PCDHA13: variants seen among roughly 807,000 people sequenced by gnomAD.
PCDHA13 encodes protocadherin alpha-13.
Under a neutral mutation model 64.8 loss-of-function variants are expected in PCDHA13, and 54 were observed. The ratio of observed to expected loss-of-function variants is 0.83; its 90% CI spans 0.67 to 1.04. The LOEUF is 1.04. PCDHA13 is among the 50% of genes least tolerant of loss of function. The pLI is 0.00. For synonymous variants in PCDHA13, 587 were observed against 564.4 expected (o/e 1.04, Z -0.57); for missense variants, 1,248 against 1,254.3 (o/e 0.99, Z 0.08).
chr5:141,001,130 T>C (rs1233424080), intron 3 of PCDHA13, among the ~76,000 whole-genome samples: 1 of 152,036 alleles, frequency 6.6e-6, no homozygotes, highest in African/African-American at 2.4e-5. Context: ...CTTAAACAAA[T>C]GAATCTTCTG....
Position 140,884,512 on chromosome 5 carries a change from G to A in PCDHA13, c.2244G>A (p.Trp748Ter), listed in dbSNP as rs782026771. 4.3e-5 allele frequency: 70 copies of A among 1,614,202 alleles called. No individual in the cohort carries two copies. The Middle Eastern group carries it at 4.9e-4, about 11-fold the overall frequency. ...TLVCSSAAGS[W>*]SYSQQRRPRV... is the part of the protein sequence containing the mutation. ...TGTGCTCCAGCGCGGCAGGGAGTTG[G>A]TCGTACTCGCAGCAGAGGCGGCCGA... is the stretch of plus-strand genomic sequence containing the variant. Residue 748 changes from tryptophan (W) to a stop codon, truncating the protein, a stop_gained, in exon 1 of 4, where the codon TGG becomes TGA. Transcript: ENST00000289272. LOFTEE classifies it high-confidence loss of function.
chr5:140,883,471 C>G lies in PCDHA13; in HGVS notation c.1203C>G (p.Tyr401Ter), dbSNP rs781812025. The change falls in exon 1 of 4, where the codon TAC (tyrosine) becomes TAG (stop). Residue 401 changes from tyrosine to a stop codon, truncating the protein, a stop_gained. Transcript: ENST00000289272. LOFTEE classifies it high-confidence loss of function. ...TCCCCTTCAAGCTGGTGTCCACCTA[C>G]AAGAACTACTACTCATTAGTGCTGG... ...PHVPFKLVST[Y>*]KNYYSLVLDS... is the part of the protein sequence containing the mutation. 2.5e-6 allele frequency: 4 copies of G among 1,614,182 alleles called. No homozygotes were observed. Among genetic ancestry groups the G allele is most frequent in the Non-Finnish European group, 3.4e-6 (4 of 1,180,044 alleles).
At chr5:140,982,275 A>G (rs1315034472) in intron 2 of PCDHA13, 200 bp from the exon 3 acceptor site, 3 of 951,630 alleles carry the variant, frequency 3.2e-6, no homozygotes, top group Non-Finnish European at 4.5e-6. Context: ...GGAATAGTAT[A>G]GCAGGCAATA....
At chr5:140,912,130 T>A (rs1554195167) in intron 1 of PCDHA13, among the ~76,000 whole-genome samples, 1 of 152,156 alleles carries the variant, frequency 6.6e-6, no homozygotes, top group Non-Finnish European at 1.5e-5. Flanking sequence ...GTCAGTCTAA[T>A]CTCTCCATGT....
chr5:140,935,051 C>T (rs1554210307), intron 1 of PCDHA13, among the ~76,000 whole-genome samples: 1 of 152,096 alleles, frequency 6.6e-6, no homozygotes, highest in African/African-American at 2.4e-5. Context: ...TCTGGTATTA[C>T]AAGATGTTCA....
At chr5:140,998,779 G>T (rs782154283) in intron 3 of PCDHA13, among the ~76,000 whole-genome samples, 3 of 152,140 alleles carry the variant, frequency 2.0e-5, no homozygotes, top group Non-Finnish European at 4.4e-5. Context: ...GGTCAGGCTG[G>T]TCTGGAACCC....
chr5:140,907,408 C>T (rs2073363118), intron 1 of PCDHA13, among the ~76,000 whole-genome samples: 1 of 152,118 alleles, frequency 6.6e-6, no homozygotes. Flanking sequence ...TGTGGAATAC[C>T]ACGATGGTGG....
intron 1 of PCDHA13, among the ~76,000 whole-genome samples, chr5:140,909,265 G>A (rs1289313376): frequency 3.3e-5 from 5 of 152,192 alleles, no homozygotes; most frequent in Non-Finnish European, 7.3e-5. Flanking sequence ...CTGACTGAAG[G>A]CAAATTGCTT....
chr5:140,987,214 A>G (rs78124050), intron 3 of PCDHA13, among the ~76,000 whole-genome samples: 3 of 131,916 alleles, frequency 2.3e-5, no homozygotes, highest in Admixed American at 2.2e-4. Context: ...ACTCCATCTC[A>G]AAAAAAAAAA....
chr5:141,003,981 C>T (rs1485203944), intron 3 of PCDHA13, among the ~76,000 whole-genome samples: 9 of 152,072 alleles, frequency 5.9e-5, no homozygotes, highest in Admixed American at 2.6e-4. Flanking sequence ...GGGGACTTGC[C>T]GGAGATCCTA....
In PCDHA13 at chr5:141,009,805, A is replaced by G. The variant is rs1358613672; in HGVS notation, c.2721A>G (p.Gln907=). The change falls in exon 4 of 4, where the codon CAA becomes CAG. Residue 907 remains glutamine, a synonymous_variant. Transcript: ENST00000289272. ...ISIRQEPTNS[Q]IDKSDFITFG... ...TCCGGCAGGAGCCTACTAACAGCCAAATTGACAAAAGTGACTTCATAACCT... is the reference window on the plus strand; with the variant it reads ...TCCGGCAGGAGCCTACTAACAGCCAGATTGACAAAAGTGACTTCATAACCT... The G allele has an allele frequency of 3.1e-6, 5 of 1,613,974 alleles. No homozygotes were observed. Among genetic ancestry groups the G allele is most frequent in the African/African-American group, 1.3e-5 (1 of 74,898 alleles).
chr5:140,909,411 CATTTGG>C (rs2074480921), intron 1 of PCDHA13, among the ~76,000 whole-genome samples: 2 of 152,142 alleles, frequency 1.3e-5, no homozygotes, highest in African/African-American at 4.8e-5. Flanking sequence ...TTGCAGTTAC[CATTTGG>C]TTAAACTTAT....
chr5:141,001,360 A>G (rs1432580617), intron 3 of PCDHA13, among the ~76,000 whole-genome samples: 2 of 152,212 alleles, frequency 1.3e-5, no homozygotes, highest in Non-Finnish European at 2.9e-5. Flanking sequence ...GTTTAAGCCT[A>G]CTATTCTGAT....
At chr5:141,000,414 TATA>T (rs1563651539) in intron 3 of PCDHA13, among the ~76,000 whole-genome samples, 16 of 99,530 alleles carry the variant, frequency 1.6e-4, no homozygotes, top group African/African-American at 2.5e-4. Flanking sequence ...TATATATATA[TATA>T]TATATTTTTT....
At chr5:140,991,298 ATTATC>A (rs1361844877) in intron 3 of PCDHA13, among the ~76,000 whole-genome samples, 1 of 152,170 alleles carries the variant, frequency 6.6e-6, no homozygotes, top group African/African-American at 2.4e-5. Flanking sequence ...ACACATTACT[ATTATC>A]TTGTCCCGCA....
Position 140,886,842 on chromosome 5 carries a change from A to AG in PCDHA13, c.2394+2180_2394+2181insG, listed in dbSNP as rs1190647876. ...ACTTCGTCTTGAAAAAAAAAAAAAA[A>AG]AAAAAGAAAGGTCTTCCCAACTCCT... is the stretch of plus-strand genomic sequence containing the variant. On this transcript the variant is annotated intron_variant, in intron 1 of 3. Coordinates refer to ENST00000289272, the MANE Select transcript of PCDHA13 (RefSeq NM_018904.3). 2.4e-3 allele frequency among the ~76,000 whole-genome samples: 362 copies of AG among 151,632 alleles called. 2 individuals are homozygous for AG. Among genetic ancestry groups the AG allele is most frequent in the Middle Eastern group, 0.014 (4 of 292 alleles).
chr5:140,987,481 G>T (rs1244029095), intron 3 of PCDHA13, among the ~76,000 whole-genome samples: 1 of 152,170 alleles, frequency 6.6e-6, no homozygotes, highest in Non-Finnish European at 1.5e-5. Flanking sequence ...TTGGGAGTCA[G>T]TGACCCTTTC....
intron 3 of PCDHA13, among the ~76,000 whole-genome samples, chr5:140,984,986 G>A (rs553872050): frequency 6.6e-6 from 1 of 152,080 alleles, no homozygotes; most frequent in African/African-American, 2.4e-5. Context: ...CCCCCAGGCT[G>A]GAGTCCAGTG....
intron 1 of PCDHA13, among the ~76,000 whole-genome samples, chr5:140,934,036 G>T (rs181745303): frequency 2.9e-4 from 44 of 151,956 alleles, no homozygotes; most frequent in African/African-American, 1.0e-3. Context: ...GTTTATTAAT[G>T]ATATTAGTCT....
Sources: gnomAD v4.1 joint callset for allele counts (sites outside exome capture counted in the v4.1 genomes callset) on GRCh38, gnomAD v4.1.1 for gene constraint, MANE v1.5 for transcripts, NCBI Gene and HGNC (gene_info 2026-07-23, HGNC 2026-07-21) for gene names.